Variants in NME7 observed in about 807,000 individuals in gnomAD.
NME7 encodes NME/NM23 family member 7, also known as nucleoside diphosphate kinase 7.
Under a neutral mutation model 49.1 loss-of-function variants are expected in NME7, and 41 were observed. That is an observed-to-expected ratio of 0.83 (90% CI 0.65 to 1.08). The LOEUF is 1.08. Among genes scored for constraint, NME7 ranks in the 50% least tolerant of loss-of-function variants. The pLI is 0.00. For missense variants in NME7, 423 were observed against 463.4 expected, an observed-to-expected ratio of 0.91 and a Z score of 0.80; for synonymous variants, 139 against 150.6, an observed-to-expected ratio of 0.92 and a Z score of 0.56.
At chr1:169,307,629 A>G (rs947555171) in intron 4 of NME7, among the ~76,000 whole-genome samples, 7 of 152,176 alleles carry the variant, frequency 4.6e-5, no homozygotes, top group African/African-American at 1.7e-4. Flanking sequence ...CATCTTTACC[A>G]CAGGAAGTTA....
intron 10 of NME7, among the ~76,000 whole-genome samples, chr1:169,202,879 T>C (rs1660585139): frequency 6.6e-6 from 1 of 151,898 alleles, no homozygotes; most frequent in South Asian, 2.1e-4. Flanking sequence ...TGAATATTCA[T>C]GAAGTAATGG....
chr1:169,362,065 A>G (rs1196975155), intron 1 of NME7, among the ~76,000 whole-genome samples: 1 of 152,040 alleles, frequency 6.6e-6, no homozygotes, highest in Non-Finnish European at 1.5e-5. Flanking sequence ...AAAATTAGCC[A>G]GGCATGGTGG....
At chr1:169,200,408 T>TAAA (rs1033474512) in intron 10 of NME7, among the ~76,000 whole-genome samples, 2 of 152,146 alleles carry the variant, frequency 1.3e-5, no homozygotes, top group African/African-American at 4.8e-5. Flanking sequence ...GGTAAGAGAC[T>TAAA]GTGTTAAGCA....
intron 7 of NME7, chr1:169,286,895 A>AAG (rs1219608067): frequency 6.6e-6 from 1 of 152,116 alleles, no homozygotes; most frequent in Non-Finnish European, 1.4e-5. Flanking sequence ...CTGAGGTTGC[A>AAG]GTAACTCGAG....
chr1:169,275,266 T>C (rs1366075771), intron 7 of NME7, among the ~76,000 whole-genome samples: 2 of 129,910 alleles, frequency 1.5e-5, no homozygotes, highest in African/African-American at 2.6e-5. Context: ...TGGCTCTCTG[T>C]TTGTCTGTTA....
In NME7 at chr1:169,276,538, C is replaced by G. The variant is rs1447275032; in HGVS notation, c.754+10765G>C. On this transcript the variant is annotated intron_variant, in intron 7 of 11. Coordinates refer to ENST00000367811, the MANE Select transcript of NME7 (RefSeq NM_013330.5). ...TCTGTGGGATCGGTGGTGATATCCC[C>G]TTTATCAGTTTTTATTGCGTCTATT... Among the ~76,000 whole-genome samples the G allele has an allele frequency of 9.8e-5, 13 of 132,690 alleles. 1 individual carries two copies. The highest frequency in any genetic ancestry group is 2.3e-4 in the Non-Finnish European group (13 of 56,788). 87.0% of individuals were successfully genotyped at this position (132,690 alleles called of 152,430 possible). A position where few individuals can be genotyped will look rare whatever the true frequency, so the allele number is the denominator to read the frequency against.
intron 7 of NME7, among the ~76,000 whole-genome samples, chr1:169,282,049 T>C (rs1254004393): frequency 1.3e-5 from 2 of 152,190 alleles, no homozygotes; most frequent in Non-Finnish European, 2.9e-5. Context: ...GTACCTCTGG[T>C]AGAATTTGGC....
At chr1:169,327,394 A>G (rs1467498566) in intron 1 of NME7, among the ~76,000 whole-genome samples, 1 of 152,250 alleles carries the variant, frequency 6.6e-6, no homozygotes, top group Non-Finnish European at 1.5e-5. Flanking sequence ...ATACATAATA[A>G]AAGAGTTGAT....
At chr1:169,327,150 C>T (rs951622358) in intron 1 of NME7, among the ~76,000 whole-genome samples, 4 of 152,182 alleles carry the variant, frequency 2.6e-5, no homozygotes, top group African/African-American at 9.7e-5. Context: ...GAGAGAGAAA[C>T]TAACACTTTA....
intron 10 of NME7, among the ~76,000 whole-genome samples, chr1:169,187,839 TGTCA>T (rs1172322627): frequency 4.2e-4 from 64 of 152,222 alleles, no homozygotes; most frequent in Non-Finnish European, 2.9e-5. Flanking sequence ...TTTTTCATAG[TGTCA>T]GTGGTCTTTA....
chr1:169,190,390 AT>A (rs1660182900), intron 10 of NME7, among the ~76,000 whole-genome samples: 1 of 151,368 alleles, frequency 6.6e-6, no homozygotes, highest in Non-Finnish European at 1.5e-5. Flanking sequence ...TAATATATAT[AT>A]AAAAAGACAA....
At chr1:169,215,208 T>C (rs180976651) in intron 10 of NME7, among the ~76,000 whole-genome samples, 75 of 152,334 alleles carry the variant, frequency 4.9e-4, no homozygotes, top group Admixed American at 1.4e-3. Context: ...TGCCTCCTTC[T>C]GACATCCAGC....
At chr1:169,321,444 T>C (rs1244324716) in intron 3 of NME7, among the ~76,000 whole-genome samples, 3 of 152,226 alleles carry the variant, frequency 2.0e-5, no homozygotes, top group African/African-American at 7.2e-5. Context: ...GCACATAGTA[T>C]GTGCTCCATA....
At chr1:169,223,290 C>T (rs1162923529) in intron 10 of NME7, among the ~76,000 whole-genome samples, 5 of 151,994 alleles carry the variant, frequency 3.3e-5, no homozygotes. Flanking sequence ...TTTATCACTA[C>T]ATTTTTTTAA....
Position 169,336,031 on chromosome 1 carries a change from C to A in NME7, c.4-11531G>T, listed in dbSNP as rs4534447. Among the ~76,000 whole-genome samples, 5 of 151,628 alleles carry A rather than the reference C, an allele frequency of 3.3e-5. No homozygotes were observed. The South Asian group carries it at 1.0e-3, about 32-fold the overall frequency. On this transcript the variant is annotated intron_variant, in intron 1 of 11. Coordinates refer to ENST00000367811, the MANE Select transcript of NME7 (RefSeq NM_013330.5). ...GTTACAGCTCTTAAGGTGGCGCATC[C>A]GGAGTCTGTCCCTTCTGATGTTCAG...
chr1:169,361,974 G>A (rs1034722079), intron 1 of NME7, among the ~76,000 whole-genome samples: 1 of 152,002 alleles, frequency 6.6e-6, no homozygotes, highest in Admixed American at 6.5e-5. Flanking sequence ...TGGGGAAGCC[G>A]AGGCAAGTGG....
chr1:169,356,688 G>A (rs1653477980), intron 1 of NME7, among the ~76,000 whole-genome samples: 1 of 152,124 alleles, frequency 6.6e-6, no homozygotes, highest in Non-Finnish European at 1.5e-5. Context: ...TTAAAAGAAA[G>A]TGGGGTAGGG....
In NME7 at chr1:169,348,364, CAA is replaced by C. The variant is rs35999944; in HGVS notation, c.3+19342_3+19343del. 1.4e-3 allele frequency among the ~76,000 whole-genome samples: 182 copies of C among 127,458 alleles called. 1 individual carries two copies. The highest frequency in any genetic ancestry group is 4.6e-3 in the East Asian group (21 of 4,578). 83.6% of individuals were successfully genotyped at this position (127,458 alleles called of 152,430 possible). On this transcript the variant is annotated intron_variant, in intron 1 of 11. Coordinates refer to ENST00000367811, the MANE Select transcript of NME7 (RefSeq NM_013330.5). ...TAAAGTAACAGATTCCAAAAAAAAG[CAA>C]AAAAAAAAAAAAACCCACATTTTCA...
Position 169,324,459 on chromosome 1 carries a change from A to G in NME7, c.45T>C (p.Asp15=), listed in dbSNP as rs769944978. The G allele has an allele frequency of 6.2e-6, 10 of 1,613,320 alleles. No individual in the cohort carries two copies. The highest frequency in any genetic ancestry group is 8.5e-6 in the Non-Finnish European group (10 of 1,179,420). ...AACGTCGAAGAAGTGAAGCATTTGG[A>G]TCATACCACTCTGCAATGAAAACGA... ...ERFVFIAEWY[D]PNASLLRRYE... The change falls in exon 2 of 12, where the codon GAT becomes GAC. Residue 15 remains aspartate (D), a synonymous_variant. Transcript: ENST00000367811.
Sources: allele counts gnomAD v4.1 joint callset (sites outside exome capture counted in the v4.1 genomes callset), GRCh38; gene constraint gnomAD v4.1.1; transcripts MANE v1.5; gene names NCBI Gene and HGNC (gene_info 2026-07-23, HGNC 2026-07-21).